Variants in CDH18 observed in about 807,000 individuals in gnomAD.
CDH18 encodes the protein cadherin 18.
CDH18 carries 31 observed loss-of-function variants against 67.9 expected under a neutral mutation model. The ratio of observed to expected loss-of-function variants is 0.46; its 90% CI spans 0.34 to 0.62. The LOEUF (loss-of-function observed/expected upper bound fraction) is 0.62. Among genes scored for constraint, CDH18 ranks in the 20% least tolerant of loss-of-function variants. The pLI, the probability that CDH18 is intolerant of heterozygous loss-of-function variation, is 0.01. For synonymous variants in CDH18, 362 were observed against 347.2 expected, an observed-to-expected ratio of 1.04 and a Z score of -0.48; for missense variants, 890 against 975.5, an observed-to-expected ratio of 0.91 and a Z score of 1.17.
intron 8 of CDH18, among the ~76,000 whole-genome samples, chr5:19,544,348 C>G (rs1169880464): frequency 6.6e-6 from 1 of 151,768 alleles, no homozygotes; most frequent in Non-Finnish European, 1.5e-5. Flanking sequence ...AAATATTAAA[C>G]CTATAATAAG....
At chr5:20,031,909 T>G (rs1561731587) in intron 2 of CDH18, among the ~76,000 whole-genome samples, 1 of 151,960 alleles carries the variant, frequency 6.6e-6, no homozygotes, top group Non-Finnish European at 1.5e-5. Context: ...GCTCATCCAG[T>G]GCAAAGCAAA....
chr5:19,714,570 T>C (rs1339575500), intron 5 of CDH18, among the ~76,000 whole-genome samples: 3 of 151,914 alleles, frequency 2.0e-5, no homozygotes, highest in Admixed American at 6.6e-5. Context: ...AGGAACAAAT[T>C]ACTTAGCTTT....
At chr5:19,966,894 A>C (rs1797496179) in intron 2 of CDH18, among the ~76,000 whole-genome samples, 1 of 152,072 alleles carries the variant, frequency 6.6e-6, no homozygotes, top group Non-Finnish European at 1.5e-5. Flanking sequence ...TACATAACAA[A>C]AATTACAGTT....
chr5:20,044,658 A>G (rs979804507), intron 2 of CDH18, among the ~76,000 whole-genome samples: 17 of 152,142 alleles, frequency 1.1e-4, no homozygotes, highest in Admixed American at 9.2e-4. Flanking sequence ...ATGAATCAGG[A>G]ACACTTTGAA....
chr5:19,598,976 T>C (rs879504645), intron 6 of CDH18, among the ~76,000 whole-genome samples: 4 of 152,232 alleles, frequency 2.6e-5, no homozygotes, highest in Non-Finnish European at 5.9e-5. Context: ...AATGAAAAAT[T>C]GGAATAGACA....
chr5:20,465,611 T>C (rs1169574408), intron 1 of CDH18, among the ~76,000 whole-genome samples: 1 of 152,028 alleles, frequency 6.6e-6, no homozygotes, highest in Non-Finnish European at 1.5e-5. Context: ...ATAGAAATAG[T>C]TTAACAGACT....
intron 2 of CDH18, among the ~76,000 whole-genome samples, chr5:20,080,130 GCTATCTTATTATAGATCAT>G (rs1744322899): frequency 6.6e-6 from 1 of 152,062 alleles, no homozygotes; most frequent in Non-Finnish European, 1.5e-5. Flanking sequence ...ATTTATGTAT[GCTATCTTATTATAGATCAT>G]ACAAAACCTT....
Position 20,393,051 on chromosome 5 carries a change from C to T in CDH18, c.-579-137546G>A, listed in dbSNP as rs554819522. On this transcript the variant is annotated intron_variant, in intron 1 of 14. Transcript: ENST00000507958. Reference sequence around the variant, plus strand: ...ATACAATAAGGACTTACTGAAAAATCTTTGGAAACACATACACAAATATAT... The same window carrying T: ...ATACAATAAGGACTTACTGAAAAATTTTTGGAAACACATACACAAATATAT... Among the ~76,000 whole-genome samples the T allele has an allele frequency of 9.9e-4, 151 of 151,832 alleles. 1 individual carries two copies. Among genetic ancestry groups the T allele is most frequent in the African/African-American group, 3.6e-3 (149 of 41,472 alleles).
At chr5:20,274,795 T>C (rs1324292697) in intron 1 of CDH18, among the ~76,000 whole-genome samples, 1 of 152,212 alleles carries the variant, frequency 6.6e-6, no homozygotes, top group African/African-American at 2.4e-5. Context: ...TTTGAGAACA[T>C]CTTTTTTATA....
chr5:20,478,054 A>G (rs1752555022), intron 1 of CDH18, among the ~76,000 whole-genome samples: 1 of 152,242 alleles, frequency 6.6e-6, no homozygotes, highest in Non-Finnish European at 1.5e-5. Context: ...AGGATTCATC[A>G]CCTGCTCAAT....
chr5:20,416,439 A>C (rs1747314581), intron 1 of CDH18, among the ~76,000 whole-genome samples: 2 of 152,270 alleles, frequency 1.3e-5, no homozygotes, highest in African/African-American at 2.4e-5. Flanking sequence ...GCATCATAAT[A>C]AGAATGTGCT....
chr5:20,367,580 A>T (rs530641286), intron 1 of CDH18, among the ~76,000 whole-genome samples: 1 of 152,360 alleles, frequency 6.6e-6, no homozygotes, highest in South Asian at 2.1e-4. Context: ...ACAATATGTA[A>T]CAACAAGCAT....
At position 19,630,098 on chromosome 5, in the gene CDH18, G is replaced by A. The variant is rs60986281; in HGVS notation, c.644-17497C>T. Among the ~76,000 whole-genome samples the A allele has an allele frequency of 5.5e-3, 830 of 151,866 alleles. 5 individuals are homozygous for A. Among genetic ancestry groups the A allele is most frequent in the African/African-American group, 0.019 (782 of 41,412 alleles). On this transcript the variant is annotated intron_variant, in intron 5 of 12. Coordinates refer to ENST00000382275, the MANE Select transcript of CDH18 (RefSeq NM_004934.5). ...ATTACAGGTGCCCTTCACCATGACC[G>A]GCTAATTTGTTTTTTTAATTTTTAG...
chr5:20,529,707 C>G (rs1236480608), intron 1 of CDH18, among the ~76,000 whole-genome samples: 1 of 152,040 alleles, frequency 6.6e-6, no homozygotes. Context: ...GTAAAAAACT[C>G]TTGATAACCT....
intron 6 of CDH18, among the ~76,000 whole-genome samples, chr5:19,592,681 C>T (rs1408089004): frequency 6.6e-6 from 1 of 152,040 alleles, no homozygotes; most frequent in African/African-American, 2.4e-5. Context: ...GTGATAAGAA[C>T]ACTTAATATG....
At chr5:20,148,278 T>C (rs1326235341) in intron 2 of CDH18, among the ~76,000 whole-genome samples, 3 of 151,878 alleles carry the variant, frequency 2.0e-5, no homozygotes, top group African/African-American at 7.3e-5. Context: ...TTTTTATTTT[T>C]AATAGAGACA....
intron 8 of CDH18, among the ~76,000 whole-genome samples, chr5:19,565,854 A>C (rs989010419): frequency 6.6e-6 from 1 of 152,222 alleles, no homozygotes; most frequent in East Asian, 1.9e-4. Flanking sequence ...TCAACCAAAT[A>C]AAAAATAGAT....
chr5:20,529,448 T>G (rs1233589244), intron 1 of CDH18, among the ~76,000 whole-genome samples: 1 of 151,980 alleles, frequency 6.6e-6, no homozygotes, highest in East Asian at 1.9e-4. Context: ...AAGGAAAACT[T>G]TAGGCCAATA....
chr5:19,996,434 C>A (rs1195374067), intron 2 of CDH18, among the ~76,000 whole-genome samples: 2 of 151,948 alleles, frequency 1.3e-5, no homozygotes, highest in African/African-American at 2.4e-5. Flanking sequence ...GTTTATAAAT[C>A]TTTCCTGGGT....
Sources: allele counts gnomAD v4.1 joint callset (sites outside exome capture counted in the v4.1 genomes callset), GRCh38; gene constraint gnomAD v4.1.1; transcripts MANE v1.5; gene names NCBI Gene and HGNC (gene_info 2026-07-23, HGNC 2026-07-21).